COL25A1: variants seen among roughly 807,000 people sequenced by gnomAD.
COL25A1 encodes the protein collagen alpha-1(XXV) chain.
A neutral mutation model predicts 128.4 loss-of-function variants in COL25A1; 103 were observed. The observed-to-expected ratio is 0.80, with a 90% CI of 0.68 to 0.94. The LOEUF is 0.94. Ranked by LOEUF, COL25A1 falls within the 40% of genes least tolerant of loss-of-function variation. COL25A1 has a pLI of 0.00. For missense variants in COL25A1, 745 were observed against 840.0 expected (o/e 0.89, Z 1.40); for synonymous variants, 279 against 277.2 (o/e 1.01, Z -0.06).
chr4:109,223,671 G>A (rs1265023708), intron 3 of COL25A1, among the ~76,000 whole-genome samples: 1 of 151,160 alleles, frequency 6.6e-6, no homozygotes, highest in East Asian at 1.9e-4. Context: ...TCTTAGTAGA[G>A]TCAGAACTCC....
rs765991576 is a variant in COL25A1, at chr4:109,093,472, A to AAAAAAAAAAAC, written c.368-43294_368-43293insGTTTTTTTTTT. Among the ~76,000 whole-genome samples the AAAAAAAAAAAC allele has an allele frequency of 3.7e-3, 544 of 145,388 alleles. 10 individuals are homozygous for AAAAAAAAAAAC. Among genetic ancestry groups the AAAAAAAAAAAC allele is most frequent in the African/African-American group, 9.5e-3 (364 of 38,390 alleles). On this transcript the variant is annotated intron_variant, in intron 3 of 37. Coordinates refer to ENST00000399132, the MANE Select transcript of COL25A1 (RefSeq NM_198721.4). ...CCATCTCTATGAAAAAAAAAAAAAA[A>AAAAAAAAAAAC]AAAACCTTTTTTAAATTAGTTAACT...
chr4:108,983,404 T>C lies in COL25A1; in HGVS notation c.439-8845A>G, dbSNP rs1297984580. 1.6e-4 allele frequency among the ~76,000 whole-genome samples: 24 copies of C among 152,244 alleles called. 2 individuals carry two copies. The highest frequency in any genetic ancestry group is 1.5e-3 in the Admixed American group (23 of 15,290). ...GTATTCAGAGATACGTTCATGTTTA[T>C]ACCTTGGGTTTAATCTATAATTATC... On this transcript the variant is annotated intron_variant, in intron 6 of 37. Transcript: ENST00000399132.
chr4:109,162,423 C>CCAAGT (rs1189248783), intron 3 of COL25A1, among the ~76,000 whole-genome samples: 1 of 152,170 alleles, frequency 6.6e-6, no homozygotes, highest in Non-Finnish European at 1.5e-5. Context: ...GTGAAATCAT[C>CCAAGT]CAAGTGCCAG....
intron 3 of COL25A1, among the ~76,000 whole-genome samples, chr4:109,085,909 G>A (rs1288046205): frequency 6.6e-6 from 1 of 152,178 alleles, no homozygotes; most frequent in Non-Finnish European, 1.5e-5. Flanking sequence ...TATTTTATAA[G>A]GATGAGGTAG....
intron 3 of COL25A1, among the ~76,000 whole-genome samples, chr4:109,122,371 C>A (rs2126055741): frequency 1.3e-5 from 2 of 152,040 alleles, no homozygotes; most frequent in Admixed American, 1.3e-4. Flanking sequence ...GAAGGGTGGG[C>A]AGGTACATGG....
intron 6 of COL25A1, among the ~76,000 whole-genome samples, chr4:108,999,374 A>G (rs1423507744): frequency 6.6e-6 from 1 of 152,260 alleles, no homozygotes; most frequent in African/African-American, 2.4e-5. Flanking sequence ...AATGGTCATC[A>G]TCACTGGTCA....
At chr4:108,972,000 T>C (rs944912568) in intron 8 of COL25A1, among the ~76,000 whole-genome samples, 6 of 152,294 alleles carry the variant, frequency 3.9e-5, no homozygotes, top group Admixed American at 1.3e-4. Flanking sequence ...TTCTATATGA[T>C]CTTCAAGTTT....
At chr4:108,868,563 G>GAAAGAA in intron 20 of COL25A1, among the ~76,000 whole-genome samples, 1 of 17,390 alleles carries the variant, frequency 5.8e-5, no homozygotes, top group African/African-American at 1.2e-4. Context: ...AAGAAAGAAA[G>GAAAGAA]AGAAAGAGAG....
chr4:108,942,407 T>C (rs1748222127), intron 8 of COL25A1: 1 of 698,220 alleles, frequency 1.4e-6, no homozygotes, highest in Non-Finnish European at 2.4e-6. Context: ...TGACATACCA[T>C]AAACAAAATT....
At chr4:109,207,234 G>T (rs916046730) in intron 3 of COL25A1, among the ~76,000 whole-genome samples, 8 of 152,128 alleles carry the variant, frequency 5.3e-5, no homozygotes, top group African/African-American at 1.9e-4. Context: ...TAAGGAGTGT[G>T]CCAGCTGCCT....
At position 108,844,515 on chromosome 4, in the gene COL25A1, T is replaced by C. The variant is rs1025404466; in HGVS notation, c.1629+4A>G. On this transcript the variant is annotated splice_donor_region_variant and intron_variant, in intron 30 of 37. Coordinates refer to ENST00000399132, the MANE Select transcript of COL25A1 (RefSeq NM_198721.4). ...ATTACATTTCAGAAAGAAGGGAAACTTACCATGGGGCCAGGTGGGCCATGG... is the reference window on the plus strand; with the variant it reads ...ATTACATTTCAGAAAGAAGGGAAACCTACCATGGGGCCAGGTGGGCCATGG... The C allele has an allele frequency of 8.7e-6, 14 of 1,614,098 alleles. No homozygotes were observed. Among genetic ancestry groups the C allele is most frequent in the Non-Finnish European group, 1.2e-5 (14 of 1,179,966 alleles).
At chr4:109,258,791 C>T (rs960377019) in intron 3 of COL25A1, among the ~76,000 whole-genome samples, 7 of 152,088 alleles carry the variant, frequency 4.6e-5, no homozygotes, top group Non-Finnish European at 7.4e-5. Flanking sequence ...AATATAACTC[C>T]AAGCATTTGT....
At chr4:109,083,507 G>A (rs1260950147) in intron 3 of COL25A1, among the ~76,000 whole-genome samples, 1 of 124,820 alleles carries the variant, frequency 8.0e-6, no homozygotes, top group Non-Finnish European at 1.5e-5. Context: ...CTGTCGCCCA[G>A]GCTGGAGTGC....
At position 108,946,762 on chromosome 4, in the gene COL25A1, A is replaced by T. The variant is rs147177447; in HGVS notation, c.493-5325T>A. Reference sequence around the variant, plus strand: ...ACACATGTTTCAGGAGCCATGGAAGACCTCCCAAGCCAGGTGAATGAGGGG... The same window carrying T: ...ACACATGTTTCAGGAGCCATGGAAGTCCTCCCAAGCCAGGTGAATGAGGGG... On this transcript the variant is annotated intron_variant, in intron 8 of 37. Transcript: ENST00000399132. Among the ~76,000 whole-genome samples the T allele has an allele frequency of 2.1e-3, 326 of 152,170 alleles. 2 individuals are homozygous for T. Among genetic ancestry groups the T allele is most frequent in the African/African-American group, 7.1e-3 (293 of 41,528 alleles).
At chr4:108,931,333 C>T (rs1044166977) in intron 11 of COL25A1, among the ~76,000 whole-genome samples, 4 of 152,080 alleles carry the variant, frequency 2.6e-5, no homozygotes, top group Admixed American at 6.6e-5. Context: ...GGCCTAGATA[C>T]CTTAATTTGT....
intron 3 of COL25A1, among the ~76,000 whole-genome samples, chr4:109,106,433 A>G (rs1766436298): frequency 6.6e-6 from 1 of 152,208 alleles, no homozygotes; most frequent in African/African-American, 2.4e-5. Flanking sequence ...CCAAAATAAA[A>G]AACCTAGGAC....
At chr4:109,115,922 T>G (rs915869239) in intron 3 of COL25A1, among the ~76,000 whole-genome samples, 1 of 152,032 alleles carries the variant, frequency 6.6e-6, no homozygotes, top group Admixed American at 6.6e-5. Context: ...ACCCCTAGGT[T>G]ACATACATAA....
rs2125988872 is a variant in COL25A1 at position 108,974,570 on chromosome 4, G to C, written c.439-11C>G. On this transcript the variant is annotated splice_polypyrimidine_tract_variant and intron_variant, in intron 6 of 37. Coordinates refer to ENST00000399132, the MANE Select transcript of COL25A1 (RefSeq NM_198721.4). Reference sequence around the variant, plus strand: ...TGGACCAGGAGGGCCCTGAAAAAAAGAAAGAGAAAAAAAATTTTAATTAAA... The same window carrying C: ...TGGACCAGGAGGGCCCTGAAAAAAACAAAGAGAAAAAAAATTTTAATTAAA... 6.4e-7 allele frequency: 1 copy of C among 1,569,576 alleles called. No homozygotes were observed. The highest frequency in any genetic ancestry group is 2.3e-5 in the East Asian group (1 of 44,380).
intron 30 of COL25A1, 29 bp from the exon 31 acceptor site, chr4:108,841,750 A>T: frequency 6.3e-7 from 1 of 1,580,588 alleles, no homozygotes; most frequent in Non-Finnish European, 8.7e-7. Flanking sequence ...GCTTTTAATT[A>T]AGAATTGATT....
Sources: gnomAD v4.1 joint callset for allele counts (sites outside exome capture counted in the v4.1 genomes callset) on GRCh38, gnomAD v4.1.1 for gene constraint, MANE v1.5 for transcripts, NCBI Gene and HGNC (gene_info 2026-07-23, HGNC 2026-07-21) for gene names.